The following PLB1 variants were observed in gnomAD, a reference collection of about 807,000 sequenced individuals.
PLB1 encodes the protein phospholipase B1, also known as phospholipase B1, membrane-associated.
PLB1 carries 242 observed loss-of-function variants against 227.4 expected under a neutral mutation model. The observed-to-expected ratio is 1.06, with a 90% CI of 0.96 to 1.18. The LOEUF (loss-of-function observed/expected upper bound fraction) is 1.18. Ranked by LOEUF, PLB1 falls within the 50% of genes most tolerant of loss-of-function variation. The pLI is 0.00. For missense variants in PLB1, 1,858 were observed against 1,816.3 expected (o/e 1.02, Z -0.42); for synonymous variants, 757 against 682.2 (o/e 1.11, Z -1.71).
Position 28,602,866 on chromosome 2 carries a change from A to G in PLB1, c.2719A>G (p.Ile907Val), listed in dbSNP as rs560119072. 4.0e-5 allele frequency: 64 copies of G among 1,614,170 alleles called. No individual in the cohort carries two copies. In the South Asian group the frequency reaches 6.9e-4, roughly 17 times the overall value. The change falls in exon 39 of 58, where the codon ATC becomes GTC. Residue 907 changes from isoleucine (I) to valine (V), a missense_variant. Ile to Val is a conservative substitution (Grantham distance 29). Transcript: ENST00000327757. The stretch of plus-strand genomic sequence containing the variant: ...CCTCGTGGACTTCCTGAACCCCACT[A>G]TCATGCGGCAGGTGTTCCTGGGAAA... ...VNLVDFLNPT[I>V]MRQVFLGNPD... is the part of the protein sequence containing the mutation.
chr2:28,521,647 G>T (rs907991635), intron 4 of PLB1, among the ~76,000 whole-genome samples: 1 of 152,146 alleles, frequency 6.6e-6, no homozygotes, highest in Middle Eastern at 3.2e-3. Flanking sequence ...AAGACAAAAG[G>T]AGAAAGGGAT....
At chr2:28,496,582 C>CTTTGT (rs1666468685) in intron 1 of PLB1, among the ~76,000 whole-genome samples, 1 of 152,120 alleles carries the variant, frequency 6.6e-6, no homozygotes, top group Admixed American at 6.6e-5. Flanking sequence ...CATTTATGAG[C>CTTTGT]TTTGTTTTGT....
chr2:28,637,370 C>T (rs976626838), intron 56 of PLB1, among the ~76,000 whole-genome samples: 1 of 151,526 alleles, frequency 6.6e-6, no homozygotes, highest in Non-Finnish European at 1.5e-5. Context: ...CCCAGAGAGT[C>T]TGACTTAATT....
At chr2:28,641,579 G>C (rs1467311666) in intron 57 of PLB1, among the ~76,000 whole-genome samples, 1 of 152,194 alleles carries the variant, frequency 6.6e-6, no homozygotes, top group Admixed American at 6.5e-5. Context: ...CTGCACTCCA[G>C]ACTGAGTGAC....
At chr2:28,548,972 A>G (rs747199932) in intron 15 of PLB1, 41 bp downstream of exon 15, 3 of 1,597,896 alleles carry the variant, frequency 1.9e-6, no homozygotes, top group Non-Finnish European at 2.6e-6. Flanking sequence ...TATTGAATCG[A>G]GGGCGCAGGT....
intron 14 of PLB1, chr2:28,548,377 A>G (rs1572900345): frequency 1.3e-5 from 4 of 300,558 alleles, no homozygotes; most frequent in East Asian, 7.9e-5. Context: ...TGAGCCAGAA[A>G]GTAGCTGGGC....
At chr2:28,600,954 C>A in intron 36 of PLB1, 94 bp downstream of exon 36, 1 of 1,174,448 alleles carries the variant, frequency 8.5e-7, no homozygotes, top group Non-Finnish European at 1.2e-6. Flanking sequence ...AGCAGTGAGC[C>A]CCATGTTATT....
chr2:28,616,254 A>G (rs1422152616), intron 44 of PLB1, among the ~76,000 whole-genome samples: 1 of 152,252 alleles, frequency 6.6e-6, no homozygotes, highest in Admixed American at 6.5e-5. Context: ...AAGAAATGGT[A>G]AATATTTGAA....
chr2:28,621,045 G>A, intron 49 of PLB1, 67 bp downstream of exon 49: 1 of 1,368,032 alleles, frequency 7.3e-7, no homozygotes, highest in Non-Finnish European at 1.0e-6. Flanking sequence ...GGAAACCGGA[G>A]GAGAGGAGGG....
chr2:28,538,396 C>T lies in PLB1; in HGVS notation c.618+15C>T, dbSNP rs149556390. ...TGCAGCAGGAGGTGAGGCCACGGGC[C>T]TAGGGCTTCCCCAAGGGCAGTGGGG... On this transcript the variant is annotated intron_variant, in intron 10 of 57. Coordinates refer to ENST00000327757, the MANE Select transcript of PLB1 (RefSeq NM_153021.5). The T allele has an allele frequency of 6.5e-5, 105 of 1,609,266 alleles. No homozygotes were observed. The African/African-American group carries it at 1.1e-3, about 18-fold the overall frequency.
chr2:28,598,148 C>T, intron 34 of PLB1, 100 bp downstream of exon 34: 1 of 988,054 alleles, frequency 1.0e-6, no homozygotes, highest in Non-Finnish European at 1.5e-6. Context: ...ATGACATCTG[C>T]CTTATGGCCC....
chr2:28,618,251 G>T (rs1297939693), intron 45 of PLB1, 90 bp from the exon 46 acceptor site: 17 of 1,201,108 alleles, frequency 1.4e-5, no homozygotes, highest in Non-Finnish European at 2.5e-6. Context: ...GGGAGCAGTG[G>T]GACAGAGTTA....
intron 34 of PLB1, 111 bp from the exon 35 acceptor site, chr2:28,598,541 C>T (rs1683345431): frequency 1.1e-5 from 9 of 798,956 alleles, no homozygotes; most frequent in Non-Finnish European, 2.0e-5. Context: ...CCCCAGGAAG[C>T]ATGAGGATGA....
intron 35 of PLB1, 66 bp downstream of exon 35, chr2:28,598,826 G>T: frequency 7.2e-7 from 1 of 1,380,414 alleles, no homozygotes; most frequent in South Asian, 1.2e-5. Flanking sequence ...TACCCTTTAA[G>T]ACCATGGGGC....
At chr2:28,600,111 T>C (rs891542863) in intron 35 of PLB1, among the ~76,000 whole-genome samples, 14 of 152,044 alleles carry the variant, frequency 9.2e-5, no homozygotes, top group African/African-American at 3.1e-4. Flanking sequence ...GGTTTTACCA[T>C]GTTGCCCAGG....
intron 17 of PLB1, among the ~76,000 whole-genome samples, chr2:28,562,755 C>T (rs1227576951): frequency 6.6e-6 from 1 of 152,062 alleles, no homozygotes; most frequent in Non-Finnish European, 1.5e-5. Context: ...CATCTGGTCC[C>T]ACCAAATGCG....
intron 40 of PLB1, 119 bp from the exon 41 acceptor site, chr2:28,604,536 A>C (rs1292363198): frequency 7.2e-5 from 49 of 681,346 alleles, no homozygotes; most frequent in Non-Finnish European, 7.4e-6. Context: ...TTCTCAAGGG[A>C]AAGGCTGAGT....
chr2:28,598,886 C>T, intron 35 of PLB1, 126 bp downstream of exon 35: 1 of 778,682 alleles, frequency 1.3e-6, no homozygotes, highest in Admixed American at 2.0e-5. Flanking sequence ...GCTCAGGCTG[C>T]CCTCTTCCCT....
intron 21 of PLB1, among the ~76,000 whole-genome samples, chr2:28,576,959 C>A (rs1456800780): frequency 6.6e-6 from 1 of 152,192 alleles, no homozygotes; most frequent in African/African-American, 2.4e-5. Context: ...ACTAATGTTT[C>A]CTGCTAAGCC....
Sources: gnomAD v4.1 joint callset for allele counts (sites outside exome capture counted in the v4.1 genomes callset) on GRCh38, gnomAD v4.1.1 for gene constraint, MANE v1.5 for transcripts, NCBI Gene and HGNC (gene_info 2026-07-23, HGNC 2026-07-21) for gene names.